KSR2: variants seen among roughly 807,000 people sequenced by gnomAD.
The protein encoded by KSR2 is kinase suppressor of ras 2.
A neutral mutation model predicts 107.8 loss-of-function variants in KSR2; 25 were observed. The ratio of observed to expected loss-of-function variants is 0.23; its 90% CI spans 0.17 to 0.32. The LOEUF is 0.32. Ranked by LOEUF, KSR2 falls within the 10% of genes least tolerant of loss-of-function variation. The probability of loss-of-function intolerance (pLI) is 1.00; values close to 1 mark genes in which losing one functional copy is unlikely to be tolerated. For synonymous variants in KSR2, 480 were observed against 507.0 expected, an observed-to-expected ratio of 0.95 and a Z score of 0.71; for missense variants, 887 against 1,268.9, an observed-to-expected ratio of 0.70 and a Z score of 4.57.
chr12:117,789,239 T>C (rs1890178370), intron 3 of KSR2, among the ~76,000 whole-genome samples: 1 of 152,196 alleles, frequency 6.6e-6, no homozygotes, highest in African/African-American at 2.4e-5. Flanking sequence ...ATGCCTTCTG[T>C]AAGGCAAAAG....
chr12:117,592,264 C>A (rs1229610601), intron 5 of KSR2, among the ~76,000 whole-genome samples: 1 of 151,940 alleles, frequency 6.6e-6, no homozygotes, highest in Non-Finnish European at 1.5e-5. Context: ...CAGGTACCCA[C>A]AACCACGACT....
At chr12:117,844,262 C>T (rs1309564620) in intron 3 of KSR2, among the ~76,000 whole-genome samples, 1 of 152,112 alleles carries the variant, frequency 6.6e-6, no homozygotes, top group African/African-American at 2.4e-5. Context: ...TGTTCCAGCC[C>T]AGTCAAGCCC....
intron 4 of KSR2, among the ~76,000 whole-genome samples, chr12:117,675,336 T>C (rs1383334595): frequency 6.6e-6 from 1 of 152,144 alleles, no homozygotes; most frequent in East Asian, 1.9e-4. Flanking sequence ...ACATCTTCTA[T>C]TTGTGGGGAA....
intron 6 of KSR2, among the ~76,000 whole-genome samples, chr12:117,580,974 CG>C (rs1879627123): frequency 6.6e-6 from 1 of 151,972 alleles, no homozygotes; most frequent in Non-Finnish European, 1.5e-5. Context: ...GTGGCCAAAC[CG>C]GGGTGGAGCA....
intron 4 of KSR2, among the ~76,000 whole-genome samples, chr12:117,683,016 G>C (rs1050868596): frequency 6.6e-6 from 1 of 152,114 alleles, no homozygotes; most frequent in Non-Finnish European, 1.5e-5. Flanking sequence ...TACAGTCTAA[G>C]ATGCAGGCAC....
At chr12:117,921,333 T>C (rs968224594) in intron 1 of KSR2, among the ~76,000 whole-genome samples, 2 of 152,228 alleles carry the variant, frequency 1.3e-5, no homozygotes, top group Non-Finnish European at 2.9e-5. Context: ...ACTTACGTGA[T>C]AAATGTTCAG....
chr12:117,855,725 T>A, intron 2 of KSR2, 147 bp from the exon 3 acceptor site: 1 of 770,954 alleles, frequency 1.3e-6, no homozygotes, highest in Non-Finnish European at 2.1e-6. Flanking sequence ...GGTTTGCCAC[T>A]CATTATCTAG....
chr12:117,881,553 C>A (rs190561114), intron 1 of KSR2, among the ~76,000 whole-genome samples: 35 of 152,362 alleles, frequency 2.3e-4, no homozygotes, highest in African/African-American at 7.9e-4. Flanking sequence ...AAAGTGACAA[C>A]AACATTCCCC....
intron 1 of KSR2, among the ~76,000 whole-genome samples, chr12:117,955,989 G>A (rs1179667391): frequency 2.0e-5 from 3 of 151,882 alleles, no homozygotes; most frequent in Non-Finnish European, 2.9e-5. Context: ...AGTGGTTCAC[G>A]CCTGTAATCC....
At chr12:117,869,921 A>G (rs1893597067) in intron 1 of KSR2, among the ~76,000 whole-genome samples, 1 of 152,242 alleles carries the variant, frequency 6.6e-6, no homozygotes, top group South Asian at 2.1e-4. Flanking sequence ...AATCCATGTG[A>G]CAATGCTAGC....
rs543274760 is a variant in KSR2, at chr12:117,872,524, C to T, written c.181-12093G>A. Among the ~76,000 whole-genome samples, 182 of 151,674 alleles carry T rather than the reference C, an allele frequency of 1.2e-3. 1 individual carries two copies. Among genetic ancestry groups the T allele is most frequent in the South Asian group, 2.1e-3 (10 of 4,792 alleles). ...GGCTGCAGTGAGCCATGAATCACACCACTGCAGTCCCACAGGGACAGCAGA... is the reference window on the plus strand; with the variant it reads ...GGCTGCAGTGAGCCATGAATCACACTACTGCAGTCCCACAGGGACAGCAGA... On this transcript the variant is annotated intron_variant, in intron 1 of 19. Transcript: ENST00000339824.
At chr12:117,711,404 C>T (rs1370946328) in intron 4 of KSR2, among the ~76,000 whole-genome samples, 1 of 152,210 alleles carries the variant, frequency 6.6e-6, no homozygotes, top group East Asian at 1.9e-4. Context: ...GCTGCAGGAA[C>T]TCATGGAAGA....
intron 4 of KSR2, among the ~76,000 whole-genome samples, chr12:117,710,227 TA>T (rs1886706108): frequency 7.1e-6 from 1 of 141,384 alleles, no homozygotes; most frequent in East Asian, 2.2e-4. Flanking sequence ...CTGTTTTGTT[TA>T]AAGAAAAAAA....
At chr12:117,679,286 C>G (rs895846540) in intron 4 of KSR2, among the ~76,000 whole-genome samples, 2 of 152,204 alleles carry the variant, frequency 1.3e-5, no homozygotes, top group African/African-American at 4.8e-5. Context: ...TACCAGCTCC[C>G]CATGTGCATT....
At chr12:117,782,070 C>T (rs917067766) in intron 3 of KSR2, among the ~76,000 whole-genome samples, 9 of 152,246 alleles carry the variant, frequency 5.9e-5, no homozygotes, top group Admixed American at 1.3e-4. Context: ...GTAGCAAATT[C>T]GAATTGTTCT....
At chr12:117,943,500 CAAAAAAAAAAAAAAAAAA>C (rs35125662) in intron 1 of KSR2, among the ~76,000 whole-genome samples, 1 of 52,916 alleles carries the variant, frequency 1.9e-5, no homozygotes, top group Admixed American at 2.5e-4. Context: ...TCCACCTAGC[CAAAAAAAAAAAAAAAAAA>C]AAAAAAAAAC....
chr12:117,570,265 G>A (rs1262647818), intron 7 of KSR2, among the ~76,000 whole-genome samples: 1 of 152,204 alleles, frequency 6.6e-6, no homozygotes, highest in Admixed American at 6.5e-5. Flanking sequence ...GCCTCCCAAA[G>A]TGCTGGGATT....
intron 5 of KSR2, among the ~76,000 whole-genome samples, chr12:117,638,143 T>C (rs1883196039): frequency 7.4e-6 from 1 of 135,494 alleles, no homozygotes; most frequent in Admixed American, 8.1e-5. Flanking sequence ...CATTTTTGCC[T>C]AAGTGTTATT....
intron 4 of KSR2, among the ~76,000 whole-genome samples, chr12:117,691,893 G>A (rs571226392): frequency 6.6e-6 from 1 of 152,310 alleles, no homozygotes; most frequent in South Asian, 2.1e-4. Flanking sequence ...GACTATATAG[G>A]TGATAGAGGA....
Sources: gnomAD v4.1 joint callset for allele counts (sites outside exome capture counted in the v4.1 genomes callset) on GRCh38, gnomAD v4.1.1 for gene constraint, MANE v1.5 for transcripts, NCBI Gene and HGNC (gene_info 2026-07-23, HGNC 2026-07-21) for gene names.